Variants in EPS15L1 observed in about 807,000 individuals in gnomAD.
EPS15L1 encodes epidermal growth factor receptor pathway substrate 15 like 1.
In EPS15L1, 43 loss-of-function variants were observed where a neutral mutation model predicts 117.1. The observed-to-expected ratio is 0.37, with a 90% CI of 0.29 to 0.47. The LOEUF (loss-of-function observed/expected upper bound fraction) is 0.47. Among genes scored for constraint, EPS15L1 ranks in the 20% least tolerant of loss-of-function variants. The pLI, the probability that EPS15L1 is intolerant of heterozygous loss-of-function variation, is 0.99. For synonymous variants in EPS15L1, 459 were observed against 470.5 expected (o/e 0.98, Z 0.32); for missense variants, 981 against 1,164.0 (o/e 0.84, Z 2.29).
At position 16,440,768 on chromosome 19, in the gene EPS15L1, T is replaced by TG. The variant is rs771837110; in HGVS notation, c.213+93dup. The stretch of plus-strand genomic sequence containing the variant: ...AGCCGTGCTCATGCCTAGTAATACT[T>TG]GACAGTGGAGGAATGTGGAAGGAGC... On this transcript the variant is annotated intron_variant, in intron 4 of 23. Transcript: ENST00000455140. 3.6e-6 allele frequency: 4 copies of TG among 1,122,322 alleles called. No individual in the cohort carries two copies. The South Asian group carries it at 5.0e-5, about 14-fold the overall frequency. The allele number at this position is 1,122,322 out of a possible 1,614,324, so 69.5% of individuals were successfully genotyped here.
chr19:16,437,648 C>T, intron 5 of EPS15L1, 122 bp downstream of exon 5: 10 of 703,328 alleles, frequency 1.4e-5, no homozygotes, highest in South Asian at 1.8e-5. Flanking sequence ...TGAATTTCAC[C>T]ACAATAAAAG....
At chr19:16,364,660 C>T (rs1007418410) in intron 22 of EPS15L1, among the ~76,000 whole-genome samples, 21 of 152,226 alleles carry the variant, frequency 1.4e-4, no homozygotes, top group Non-Finnish European at 1.5e-5. Flanking sequence ...CCGGAGTTGC[C>T]CCGTTCCCTC....
At chr19:16,442,078 G>GA in intron 2 of EPS15L1, 97 bp from the exon 3 acceptor site, 1 of 1,487,454 alleles carries the variant, frequency 6.7e-7, no homozygotes, top group East Asian at 2.3e-5. Flanking sequence ...ACAGTGAACA[G>GA]AAAAGGACAA....
chr19:16,437,926 T>G, intron 4 of EPS15L1, 61 bp from the exon 5 acceptor site: 3 of 1,279,432 alleles, frequency 2.3e-6, no homozygotes, highest in Non-Finnish European at 3.4e-6. Flanking sequence ...TAGGGGGAGC[T>G]GTCTCTAACA....
chr19:16,400,895 A>G (rs946453573), intron 16 of EPS15L1: 1 of 985,232 alleles, frequency 1.0e-6, no homozygotes, highest in Non-Finnish European at 1.2e-6. Flanking sequence ...AAACCTGCAA[A>G]AGGGACATTT....
chr19:16,464,883 A>G (rs886429642), intron 1 of EPS15L1, among the ~76,000 whole-genome samples: 2 of 151,368 alleles, frequency 1.3e-5, no homozygotes, highest in African/African-American at 2.4e-5. Flanking sequence ...GATCGAGACC[A>G]TCCTGCCTAA....
At chr19:16,366,652 C>T (rs948883988) in intron 22 of EPS15L1, among the ~76,000 whole-genome samples, 2 of 152,138 alleles carry the variant, frequency 1.3e-5, no homozygotes, top group African/African-American at 2.4e-5. Context: ...ACAACAACAA[C>T]GGTTTTTTTC....
chr19:16,363,917 G>A (rs965690170), intron 22 of EPS15L1, among the ~76,000 whole-genome samples: 4 of 152,204 alleles, frequency 2.6e-5, no homozygotes, highest in Non-Finnish European at 5.9e-5. Flanking sequence ...TGCACAGAAG[G>A]ACTCGGAGAC....
chr19:16,431,428 C>T (rs564944781), intron 7 of EPS15L1, among the ~76,000 whole-genome samples: 1 of 151,312 alleles, frequency 6.6e-6, no homozygotes, highest in African/African-American at 2.4e-5. Context: ...CTCAGCTTCC[C>T]GAGTCGCTGG....
At chr19:16,467,210 G>A (rs2093312798) in intron 1 of EPS15L1, among the ~76,000 whole-genome samples, 1 of 151,326 alleles carries the variant, frequency 6.6e-6, no homozygotes, top group South Asian at 2.1e-4. Flanking sequence ...GTGCAGTGGA[G>A]TGATCTTGGC....
chr19:16,395,335 G>A lies in EPS15L1; in HGVS notation c.1915+9C>T, dbSNP rs1343341419. On this transcript the variant is annotated intron_variant, in intron 17 of 23. Transcript: ENST00000455140. ...CTTTCAATGAGAAAGTGGGTAGCAAGTGAGATACCTTTGAAGGGGTCAGCT... is the reference window on the plus strand; with the variant it reads ...CTTTCAATGAGAAAGTGGGTAGCAAATGAGATACCTTTGAAGGGGTCAGCT... 3 of 1,610,548 alleles carry A rather than the reference G, an allele frequency of 1.9e-6. No individual in the cohort carries two copies. The highest frequency in any genetic ancestry group is 4.5e-5 in the East Asian group (2 of 44,860).
chr19:16,403,666 T>G, intron 15 of EPS15L1, 67 bp downstream of exon 15: 1 of 1,433,050 alleles, frequency 7.0e-7, no homozygotes, highest in South Asian at 1.2e-5. Flanking sequence ...AGTTCAGCAG[T>G]GGCAGCCTCG....
intron 13 of EPS15L1, chr19:16,412,928 T>C: frequency 7.6e-6 from 5 of 653,880 alleles, no homozygotes; most frequent in South Asian, 2.9e-5. Flanking sequence ...ATCAAGTCCC[T>C]GGAGGAGAGC....
chr19:16,413,105 C>T (rs1013925240), intron 13 of EPS15L1: 1 of 683,336 alleles, frequency 1.5e-6, no homozygotes, highest in Non-Finnish European at 2.7e-6. Context: ...ATGGCCACAT[C>T]GGTCTGGGTA....
In EPS15L1 at chr19:16,395,379, T is replaced by C. The variant is rs773806626; in HGVS notation, c.1880A>G (p.Lys627Arg). ...GTCAGCTCCTTTAAATGGGTCAGAT[T>C]TGAAGGGGTCTTCTGTCTGGAAAGG... ...PDPFQTEDPF[K>R]SDPFKGADPF... Residue 627 changes from lysine to arginine, a missense_variant, in exon 17 of 24, where the codon AAA becomes AGA. Transcript: ENST00000455140. 5 of 1,614,084 alleles carry C rather than the reference T, an allele frequency of 3.1e-6. No individual in the cohort carries two copies. The East Asian group carries it at 8.9e-5, about 29-fold the overall frequency.
At chr19:16,419,558 C>A (rs1310320910) in intron 10 of EPS15L1, among the ~76,000 whole-genome samples, 2 of 151,954 alleles carry the variant, frequency 1.3e-5, no homozygotes, top group South Asian at 4.2e-4. Flanking sequence ...TCTTCCTTCA[C>A]CCATGCTGCC....
chr19:16,444,761 C>T (rs1240748548), intron 1 of EPS15L1, among the ~76,000 whole-genome samples: 5 of 142,108 alleles, frequency 3.5e-5, no homozygotes, highest in African/African-American at 1.1e-4. Context: ...GGGTCTTGTT[C>T]TGTCACCCAA....
intron 9 of EPS15L1, among the ~76,000 whole-genome samples, chr19:16,424,249 T>C (rs760689609): frequency 2.6e-5 from 4 of 152,214 alleles, no homozygotes; most frequent in Admixed American, 6.5e-5. Flanking sequence ...GCATGTGGAC[T>C]GTAGGCCCCC....
At chr19:16,387,783 C>A (rs576236236) in intron 19 of EPS15L1, among the ~76,000 whole-genome samples, 63 of 151,854 alleles carry the variant, frequency 4.1e-4, no homozygotes, top group South Asian at 4.0e-3. Context: ...CAAAAAAAAA[C>A]CCCACTTCAT....
Sources: allele counts gnomAD v4.1 joint callset (sites outside exome capture counted in the v4.1 genomes callset), GRCh38; gene constraint gnomAD v4.1.1; transcripts MANE v1.5; gene names NCBI Gene and HGNC (gene_info 2026-07-23, HGNC 2026-07-21).